Variants in DNM1L observed in about 807,000 individuals in gnomAD.
DNM1L encodes dynamin-1-like protein.
DNM1L carries 33 observed loss-of-function variants against 92.8 expected under a neutral mutation model. The observed-to-expected ratio is 0.36, with a 90% CI of 0.27 to 0.48. The LOEUF is 0.48. DNM1L is among the 20% of genes least tolerant of loss of function. DNM1L has a pLI of 0.99. For missense variants in DNM1L, 485 were observed against 888.8 expected, an observed-to-expected ratio of 0.55 and a Z score of 5.78; for synonymous variants, 284 against 305.0, an observed-to-expected ratio of 0.93 and a Z score of 0.72.
chr12:32,731,299 C>T lies in DNM1L; in HGVS notation c.1201-57C>T, dbSNP rs560401877. 61 of 1,609,234 alleles carry T rather than the reference C, an allele frequency of 3.8e-5. No individual in the cohort carries two copies. In the South Asian group the frequency reaches 5.4e-4, roughly 14 times the overall value. On this transcript the variant is annotated intron_variant, in intron 10 of 19. Coordinates refer to ENST00000549701, the MANE Select transcript of DNM1L (RefSeq NM_012062.5). The surrounding 1 kb of genome is among the most constrained non-coding windows in gnomAD (Gnocchi z 5.1). ...GTACCAAAAATGTGACTTTCTTAAC[C>T]CTTGGGAAGAACTGAAATTACATAT... is the stretch of plus-strand genomic sequence containing the variant.
At chr12:32,718,044 CTATATATACTATACATATTTTA>C (rs1180066594) in intron 6 of DNM1L, among the ~76,000 whole-genome samples, 24 of 117,172 alleles carry the variant, frequency 2.0e-4, no homozygotes, top group Middle Eastern at 9.3e-3. Flanking sequence ...ACTATACATA[CTATATATACTATACATATTTTA>C]TATATATACT....
At chr12:32,701,628 T>G (rs562556448) in intron 2 of DNM1L, 66 bp downstream of exon 2, 1 of 1,412,324 alleles carries the variant, frequency 7.1e-7, no homozygotes, top group Admixed American at 1.7e-5. Context: ...TAAAAAGATA[T>G]GAATTGATTA....
At chr12:32,696,335 G>C (rs531505360) in intron 1 of DNM1L, among the ~76,000 whole-genome samples, 30 of 151,810 alleles carry the variant, frequency 2.0e-4, no homozygotes, top group African/African-American at 6.0e-4. Context: ...CCAGGAGTTT[G>C]AGACCAGCCT....
intron 4 of DNM1L, among the ~76,000 whole-genome samples, chr12:32,710,309 C>T (rs1301091613): frequency 6.6e-6 from 1 of 152,208 alleles, no homozygotes; most frequent in East Asian, 1.9e-4. Flanking sequence ...AACTTGTTAT[C>T]TACGCCTTAC....
At chr12:32,728,719 T>C (rs2137500161) in intron 9 of DNM1L, 1 of 152,344 alleles carries the variant, frequency 6.6e-6, no homozygotes, top group Middle Eastern at 3.4e-3. Flanking sequence ...AATAATGTTT[T>C]TGGAGAACAG....
chr12:32,727,139 A>G (rs1338238168), intron 9 of DNM1L: 23 of 766,424 alleles, frequency 3.0e-5, no homozygotes, highest in Non-Finnish European at 5.0e-5. Context: ...CTGAAATCTC[A>G]TCTTCTTCAT....
chr12:32,721,496 A>AT (rs757024724), intron 8 of DNM1L, among the ~76,000 whole-genome samples: 7 of 151,824 alleles, frequency 4.6e-5, no homozygotes, highest in African/African-American at 1.5e-4. Flanking sequence ...AATAATTTGC[A>AT]TTTTTTCCTT....
At chr12:32,707,244 C>T in intron 2 of DNM1L, 123 bp from the exon 3 acceptor site, 1 of 708,544 alleles carries the variant, frequency 1.4e-6, no homozygotes, top group East Asian at 2.6e-5. Context: ...TACTTGTTAA[C>T]TTGTACTTAA....
intron 1 of DNM1L, among the ~76,000 whole-genome samples, chr12:32,694,380 G>A (rs1426498882): frequency 2.0e-5 from 3 of 152,166 alleles, no homozygotes; most frequent in Admixed American, 1.3e-4. Flanking sequence ...CACCGCGCCC[G>A]GCCATATTTT....
intron 13 of DNM1L, among the ~76,000 whole-genome samples, chr12:32,736,182 C>T (rs1954868214): frequency 1.3e-5 from 2 of 150,892 alleles, no homozygotes; most frequent in African/African-American, 4.9e-5. Flanking sequence ...AGCAGTTCTC[C>T]TGCCGCAGCC....
chr12:32,700,815 C>T (rs1185587440), intron 1 of DNM1L, among the ~76,000 whole-genome samples: 1 of 152,054 alleles, frequency 6.6e-6, no homozygotes, highest in East Asian at 1.9e-4. Flanking sequence ...AAAACAACTA[C>T]ATATTATAGG....
At chr12:32,717,925 ATATTT>A (rs1953582272) in intron 6 of DNM1L, among the ~76,000 whole-genome samples, 1 of 80,864 alleles carries the variant, frequency 1.2e-5, no homozygotes, top group Non-Finnish European at 2.3e-5. Context: ...AATATAGTAT[ATATTT>A]TATATATATA....
At chr12:32,738,138 C>T in intron 15 of DNM1L, 126 bp from the exon 16 acceptor site, 1 of 1,197,852 alleles carries the variant, frequency 8.3e-7, no homozygotes, top group African/African-American at 1.5e-5. Context: ...CTTTTGCTTG[C>T]AATATAGAAG....
chr12:32,709,823 A>C (rs1565509729), intron 4 of DNM1L, among the ~76,000 whole-genome samples: 2 of 152,228 alleles, frequency 1.3e-5, no homozygotes, highest in Non-Finnish European at 2.9e-5. Flanking sequence ...GGTATGCCAG[A>C]TAGTGACATT....
chr12:32,713,761 C>T (rs988922972), intron 6 of DNM1L, among the ~76,000 whole-genome samples: 2 of 152,040 alleles, frequency 1.3e-5, no homozygotes, highest in Non-Finnish European at 2.9e-5. Context: ...GGGAGCATTG[C>T]GTGAGGCCAG....
Position 32,731,289 on chromosome 12 carries a change from C to A in DNM1L, c.1201-67C>A. 4 of 1,600,060 alleles carry A rather than the reference C, an allele frequency of 2.5e-6. No homozygotes were observed. In the Admixed American group the frequency reaches 7.0e-5, roughly 28 times the overall value. ...TTCATGAAAAGTACCAAAAATGTGA[C>A]TTTCTTAACCCTTGGGAAGAACTGA... On this transcript the variant is annotated intron_variant, in intron 10 of 19. Coordinates refer to ENST00000549701, the MANE Select transcript of DNM1L (RefSeq NM_012062.5). The surrounding 1 kb of genome is among the most constrained non-coding windows in gnomAD (Gnocchi z 5.1).
At chr12:32,719,354 C>T (rs1953699692) in intron 7 of DNM1L, among the ~76,000 whole-genome samples, 1 of 152,096 alleles carries the variant, frequency 6.6e-6, no homozygotes, top group African/African-American at 2.4e-5. Context: ...TCATGTTAAG[C>T]TATGTATGAG....
intron 1 of DNM1L, among the ~76,000 whole-genome samples, chr12:32,687,130 C>T (rs1038691823): frequency 6.6e-6 from 1 of 151,290 alleles, no homozygotes; most frequent in African/African-American, 2.4e-5. Flanking sequence ...AAAGGTTTTA[C>T]TTTTGGTTAA....
intron 1 of DNM1L, 73 bp downstream of exon 1, chr12:32,679,538 A>G: frequency 1.4e-6 from 2 of 1,463,068 alleles, no homozygotes; most frequent in Non-Finnish European, 9.3e-7. Context: ...GGCAGTGCCC[A>G]CTCCCGCGCC....
Sources: gnomAD v4.1 joint callset for allele counts (sites outside exome capture counted in the v4.1 genomes callset) on GRCh38, gnomAD v4.1.1 for gene constraint, Gnocchi (gnomAD v3.1) non-coding constraint, MANE v1.5 for transcripts, NCBI Gene and HGNC (gene_info 2026-07-23, HGNC 2026-07-21) for gene names.